Variants in ALPK1 observed in about 807,000 individuals in gnomAD.
ALPK1 encodes alpha kinase 1.
In ALPK1, 110 loss-of-function variants were observed where a neutral mutation model predicts 120.6. The observed-to-expected ratio is 0.91, with a 90% CI of 0.78 to 1.07. The LOEUF (loss-of-function observed/expected upper bound fraction) is 1.07. Among genes scored for constraint, ALPK1 ranks in the 50% least tolerant of loss-of-function variants. ALPK1 has a pLI of 0.00. For synonymous variants in ALPK1, 582 were observed against 560.3 expected, an observed-to-expected ratio of 1.04 and a Z score of -0.55; for missense variants, 1,498 against 1,483.9, an observed-to-expected ratio of 1.01 and a Z score of -0.16.
intron 2 of ALPK1, among the ~76,000 whole-genome samples, chr4:112,337,965 T>C (rs1729693137): frequency 6.6e-6 from 1 of 152,174 alleles, no homozygotes; most frequent in South Asian, 2.1e-4. Context: ...TAATAAACTA[T>C]TTTATGTCAT....
rs1733496492 is a variant in ALPK1 at position 112,412,001 on chromosome 4, CAAGCCCGAATCTCCGTGA to C, written c.453_470del (p.Gln151_Asn157delinsHis). The C allele has an allele frequency of 1.2e-6, 2 of 1,614,014 alleles. No homozygotes were observed. The highest frequency in any genetic ancestry group is 1.7e-6 in the Non-Finnish European group (2 of 1,180,050). ...AATTGCCCCGCAGGTGGTTATTCGCCAAGCCCGAATCTCCGTGAACTCAGGTATGCTCCCTCCTGCTGG... is the reference window on the plus strand; with the variant it reads ...AATTGCCCCGCAGGTGGTTATTCGCCACTCAGGTATGCTCCCTCCTGCTGG... On this transcript the variant is annotated inframe_deletion, in exon 5 of 16. Coordinates refer to ENST00000650871, the MANE Select transcript of ALPK1 (RefSeq NM_025144.4).
At chr4:112,301,652 T>G (rs1438232978) in intron 1 of ALPK1, among the ~76,000 whole-genome samples, 1 of 152,200 alleles carries the variant, frequency 6.6e-6, no homozygotes, top group African/African-American at 2.4e-5. Flanking sequence ...GCACTTGTGA[T>G]AGAGACTTGT....
chr4:112,319,013 G>A (rs1056300173), intron 2 of ALPK1, among the ~76,000 whole-genome samples: 1 of 152,210 alleles, frequency 6.6e-6, no homozygotes, highest in Non-Finnish European at 1.5e-5. Context: ...TGAGCCAGGA[G>A]TTTCTAAGTA....
chr4:112,383,891 C>G (rs112087826), intron 4 of ALPK1: 20 of 152,234 alleles, frequency 1.3e-4, no homozygotes, highest in African/African-American at 4.8e-4. Context: ...AGCTCAGAAC[C>G]CTTACATTAG....
rs777976261 is a variant in ALPK1 at position 112,431,404 on chromosome 4, T to A, written c.1857T>A (p.Thr619=). 6.2e-7 allele frequency: 1 copy of A among 1,614,080 alleles called. No individual in the cohort carries two copies. The highest frequency in any genetic ancestry group is 8.5e-7 in the Non-Finnish European group (1 of 1,180,044). Reference sequence around the variant, plus strand: ...CTGGCAAAGAACATCTGGTGGACACTCAGTGTTCCACTGCCTTGTCTGAGG... The same window carrying A: ...CTGGCAAAGAACATCTGGTGGACACACAGTGTTCCACTGCCTTGTCTGAGG... ...KEPGKEHLVD[T]QCSTALSEEL... The change falls in exon 11 of 16, where the codon ACT becomes ACA. Residue 619 remains threonine, a synonymous_variant. Transcript: ENST00000650871.
At chr4:112,327,587 A>G (rs887575596) in intron 2 of ALPK1, among the ~76,000 whole-genome samples, 2 of 152,058 alleles carry the variant, frequency 1.3e-5, no homozygotes, top group African/African-American at 4.8e-5. Flanking sequence ...AGGCGTGCAC[A>G]ACCGAGCCCT....
intron 4 of ALPK1, chr4:112,411,590 G>C: frequency 3.6e-6 from 2 of 555,558 alleles, no homozygotes; most frequent in Non-Finnish European, 6.4e-6. Context: ...TGCATTTATC[G>C]CTTCTATAAT....
chr4:112,433,203 C>A (rs1376929594), intron 11 of ALPK1, among the ~76,000 whole-genome samples: 2 of 152,170 alleles, frequency 1.3e-5, no homozygotes, highest in Non-Finnish European at 2.9e-5. Flanking sequence ...TAACAAAATG[C>A]CATCAACTGG....
chr4:112,393,540 A>G (rs1225335428), intron 4 of ALPK1, among the ~76,000 whole-genome samples: 2 of 152,228 alleles, frequency 1.3e-5, no homozygotes, highest in Admixed American at 6.5e-5. Flanking sequence ...TGTTCTTTAT[A>G]CTTCTTTGAT....
intron 2 of ALPK1, chr4:112,357,208 G>A: frequency 6.4e-7 from 1 of 1,551,904 alleles, no homozygotes; most frequent in Non-Finnish European, 8.8e-7. Flanking sequence ...GCACGTTTCA[G>A]ACCAAGGGCT....
At chr4:112,370,015 C>T (rs1731331238) in intron 2 of ALPK1, among the ~76,000 whole-genome samples, 1 of 152,168 alleles carries the variant, frequency 6.6e-6, no homozygotes, top group African/African-American at 2.4e-5. Context: ...CAGTGGCAAC[C>T]AGTAGACAAT....
At chr4:112,305,542 C>T (rs1201163452) in intron 1 of ALPK1, among the ~76,000 whole-genome samples, 3 of 152,062 alleles carry the variant, frequency 2.0e-5, no homozygotes, top group Non-Finnish European at 4.4e-5. Context: ...CATGATTTGG[C>T]TCTCTGTTTG....
intron 2 of ALPK1, chr4:112,359,461 A>T (rs192784746): frequency 4.6e-5 from 13 of 280,570 alleles, no homozygotes; most frequent in Admixed American, 3.2e-4. Flanking sequence ...CCATACCACA[A>T]GCAGCACTTC....
chr4:112,408,494 T>C (rs901226765), intron 4 of ALPK1, among the ~76,000 whole-genome samples: 82 of 150,350 alleles, frequency 5.5e-4, no homozygotes, highest in Middle Eastern at 3.4e-3. Context: ...TTTTTGAGAC[T>C]GAGTCTTGCT....
In ALPK1 at chr4:112,317,638, A is replaced by G. The variant is rs562880292; in HGVS notation, c.-101+1786A>G. Among the ~76,000 whole-genome samples, 13 of 152,200 alleles carry G rather than the reference A, an allele frequency of 8.5e-5. No individual in the cohort carries two copies. In the South Asian group the frequency reaches 2.7e-3, roughly 32 times the overall value. ...CTATGGCTTCATTGTAAGTTTTGAAATCAGGAAGTGTGAGTCCTCCAATTT... is the reference window on the plus strand; with the variant it reads ...CTATGGCTTCATTGTAAGTTTTGAAGTCAGGAAGTGTGAGTCCTCCAATTT... On this transcript the variant is annotated intron_variant, in intron 2 of 15. Coordinates refer to ENST00000650871, the MANE Select transcript of ALPK1 (RefSeq NM_025144.4).
At chr4:112,303,704 C>T (rs1284284392) in intron 1 of ALPK1, among the ~76,000 whole-genome samples, 1 of 151,882 alleles carries the variant, frequency 6.6e-6, no homozygotes, top group African/African-American at 2.4e-5. Context: ...GACATGCTTC[C>T]CCAGCCACAT....
At chr4:112,349,545 A>AACCCCCCCCCCCCCCCCC (rs1560647747) in intron 2 of ALPK1, among the ~76,000 whole-genome samples, 1 of 82,436 alleles carries the variant, frequency 1.2e-5, no homozygotes, top group Non-Finnish European at 2.2e-5. Context: ...TACCGCCCCA[A>AACCCCCCCCCCCCCCCCC]CCCCTGCCCC....
At chr4:112,327,647 G>A (rs6858585) in intron 2 of ALPK1, among the ~76,000 whole-genome samples, 105,022 of 151,910 alleles carry the variant, frequency 0.69, 36,524 homozygotes, top group East Asian at 0.89. Context: ...TACAAACAAT[G>A]TTGTCTAGGC....
intron 2 of ALPK1, chr4:112,356,457 A>G (rs1730618421): frequency 2.1e-6 from 2 of 948,094 alleles, no homozygotes; most frequent in African/African-American, 1.6e-5. Context: ...CCCAAAGATC[A>G]TTTACGCCTT....
Sources: allele counts gnomAD v4.1 joint callset (sites outside exome capture counted in the v4.1 genomes callset), GRCh38; gene constraint gnomAD v4.1.1; transcripts MANE v1.5; gene names NCBI Gene and HGNC (gene_info 2026-07-23, HGNC 2026-07-21).